SUPT5H: variants seen among roughly 807,000 people sequenced by gnomAD.
SUPT5H encodes transcription elongation factor SPT5.
A neutral mutation model predicts 142.5 loss-of-function variants in SUPT5H; 24 were observed. That is an observed-to-expected ratio of 0.17 (90% confidence interval 0.12 to 0.24). The LOEUF is 0.24. Ranked by LOEUF, SUPT5H falls within the 10% of genes least tolerant of loss-of-function variation. The pLI is 1.00. For missense variants in SUPT5H, 893 were observed against 1,471.8 expected, an observed-to-expected ratio of 0.61 and a Z score of 6.43; for synonymous variants, 546 against 553.0, an observed-to-expected ratio of 0.99 and a Z score of 0.18.
chr19:39,474,386 C>T lies in SUPT5H; in HGVS notation c.2804C>T (p.Ser935Leu). Reference sequence around the variant, plus strand: ...CCAGCCAGCTACCACCCTACACCGTCGCCCATGGCCTATCAGGTAATGGTC... The same window carrying T: ...CCAGCCAGCTACCACCCTACACCGTTGCCCATGGCCTATCAGGTAATGGTC... ...HSPASYHPTP[S>L]PMAYQASPSP... Residue 935 changes from serine to leucine, a missense_variant, in exon 27 of 30, where the codon TCG (serine) becomes TTG (leucine). Transcript: ENST00000432763. The surrounding 1 kb of genome is among the most constrained non-coding windows in gnomAD (Gnocchi z 6.5). The T allele has an allele frequency of 6.2e-7, 1 of 1,614,010 alleles. No individual in the cohort carries two copies. Among genetic ancestry groups the T allele is most frequent in the Non-Finnish European group, 8.5e-7 (1 of 1,179,924 alleles).
chr19:39,474,512 C>T lies in SUPT5H; in HGVS notation c.2821-3C>T. 1.2e-6 allele frequency: 2 copies of T among 1,614,026 alleles called. No individual in the cohort carries two copies. The highest frequency in any genetic ancestry group is 2.7e-5 in the African/African-American group (2 of 75,048). ...CCAATGACACTTCCTCTTTCCCCTG[C>T]AGGCTAGCCCCAGCCCGAGCCCCGT... is the stretch of plus-strand genomic sequence containing the variant. On this transcript the variant is annotated splice_polypyrimidine_tract_variant and splice_region_variant and intron_variant, in intron 27 of 29. Transcript: ENST00000432763. The surrounding 1 kb of genome is among the most constrained non-coding windows in gnomAD (Gnocchi z 6.5).
chr19:39,458,517 C>A lies in SUPT5H; in HGVS notation c.319+212C>A. The A allele has an allele frequency of 2.1e-6, 2 of 968,314 alleles. No homozygotes were observed. The highest frequency in any genetic ancestry group is 3.1e-6 in the Non-Finnish European group (2 of 649,416). The allele number at this position is 968,314 out of a possible 1,614,324, so 60.0% of individuals were successfully genotyped here. ...AAAGCACGGATGTGTCTGTCTGGGA[C>A]TGAGCATTTGTGGGTGGTAGCGATG... is the stretch of plus-strand genomic sequence containing the variant. On this transcript the variant is annotated intron_variant, in intron 5 of 29. Transcript: ENST00000432763. This position sits in a 1 kb window ranked among gnomAD's most constrained non-coding sequence, Gnocchi z 4.2.
Position 39,464,829 on chromosome 19 carries a change from A to G in SUPT5H, c.656A>G (p.Glu219Gly). 6.2e-7 allele frequency: 1 copy of G among 1,613,152 alleles called. No individual in the cohort carries two copies. The change falls in exon 11 of 30, where the codon GAG becomes GGG. Residue 219 changes from glutamate (E) to glycine (G), a missense_variant. Transcript: ENST00000432763. The part of the protein sequence containing the change: ...PLQIKSVVAP[E>G]HVKGYIYVEA... ...CAGATCAAGTCAGTAGTGGCACCAG[A>G]GCATGTGAAGGGCTACATCTACGTG...
In SUPT5H at chr19:39,469,288, C is replaced by A; in HGVS notation, c.1264C>A (p.Pro422Thr). The A allele has an allele frequency of 6.2e-7, 1 of 1,614,192 alleles. No homozygotes were observed. Residue 422 changes from proline (P) to threonine (T), a missense_variant, in exon 16 of 30, where the codon CCT becomes ACT. Pro to Thr is a conservative substitution (Grantham distance 38, BLOSUM62 -1). Coordinates refer to ENST00000432763, the MANE Select transcript of SUPT5H (RefSeq NM_001111020.3). This position sits in a 1 kb window ranked among gnomAD's most constrained non-coding sequence, Gnocchi z 5.1. ...GAAGGAGCGGGAGCACAACTTCCAA[C>A]CTGGGGACAACGTGGAGGTCTGTGA... ...TGKEREHNFQ[P>T]GDNVEVCEGE... is the part of the protein sequence containing the mutation.
chr19:39,453,070 A>G (rs915183611), intron 2 of SUPT5H, among the ~76,000 whole-genome samples: 1 of 151,680 alleles, frequency 6.6e-6, no homozygotes, highest in African/African-American at 2.4e-5. Context: ...AGCTTCATCA[A>G]GCTATTATAG....
At chr19:39,476,010 T>G in intron 28 of SUPT5H, 71 bp from the exon 29 acceptor site, 1 of 1,396,248 alleles carries the variant, frequency 7.2e-7, no homozygotes, top group South Asian at 1.2e-5. Context: ...TGAGCCTGTG[T>G]CCCCTGGAGT....
intron 2 of SUPT5H, among the ~76,000 whole-genome samples, chr19:39,451,467 T>C (rs1452577249): frequency 1.3e-5 from 2 of 152,270 alleles, no homozygotes; most frequent in East Asian, 3.9e-4. Context: ...AGCCTGAGCA[T>C]GACCTTTGAG....
chr19:39,475,948 C>G (rs1252873554), intron 28 of SUPT5H, 133 bp from the exon 29 acceptor site: 1 of 796,462 alleles, frequency 1.3e-6, no homozygotes, highest in African/African-American at 1.7e-5. Context: ...GAACCAGGCC[C>G]AGCCTTGGCC....
chr19:39,472,273 G>A lies in SUPT5H; in HGVS notation c.1951-136G>A. Reference sequence around the variant, plus strand: ...TGTAGGAAAGTGTGCAGGACCAGCTGTCACAGAGGAATTCAGGCCTGGGGT... The same window carrying A: ...TGTAGGAAAGTGTGCAGGACCAGCTATCACAGAGGAATTCAGGCCTGGGGT... On this transcript the variant is annotated intron_variant, in intron 20 of 29. Coordinates refer to ENST00000432763, the MANE Select transcript of SUPT5H (RefSeq NM_001111020.3). The surrounding 1 kb of genome is among the most constrained non-coding windows in gnomAD (Gnocchi z 4.2). The A allele has an allele frequency of 2.5e-6, 2 of 786,988 alleles. No individual in the cohort carries two copies. The highest frequency in any genetic ancestry group is 4.3e-6 in the Non-Finnish European group (2 of 464,824). 48.8% of individuals were successfully genotyped at this position (786,988 alleles called of 1,614,324 possible).
Position 39,466,534 on chromosome 19 carries a change from A to G in SUPT5H, c.931A>G (p.Ile311Val). Residue 311 changes from isoleucine (I) to valine (V), a missense_variant, in exon 12 of 30, where the codon ATC (isoleucine) becomes GTC (valine). This residue lies in a region of SUPT5H where 428 missense variants were observed against 763.5 expected (regional missense o/e 0.56). Coordinates refer to ENST00000432763, the MANE Select transcript of SUPT5H (RefSeq NM_001111020.3). This position sits in a 1 kb window ranked among gnomAD's most constrained non-coding sequence, Gnocchi z 4.3. ...NTISLKMIPR[I>V]DYDRIKARMS... ...CATCTCCCTGAAGATGATCCCACGC[A>G]TCGACTACGATCGCATCAAGGCCCG... The G allele has an allele frequency of 6.2e-7, 1 of 1,614,178 alleles. No individual in the cohort carries two copies. Among genetic ancestry groups the G allele is most frequent in the Non-Finnish European group, 8.5e-7 (1 of 1,180,038 alleles).
chr19:39,446,487 G>A (rs959235136), intron 2 of SUPT5H, among the ~76,000 whole-genome samples: 1 of 152,208 alleles, frequency 6.6e-6, no homozygotes, highest in African/African-American at 2.4e-5. Flanking sequence ...AGTCTGAGGG[G>A]TGACATTTGA....
rs770545448 is a variant in SUPT5H at position 39,459,174 on chromosome 19, C to T, written c.459-10C>T. 6 of 1,603,160 alleles carry T rather than the reference C, an allele frequency of 3.7e-6. No individual in the cohort carries two copies. The highest frequency in any genetic ancestry group is 1.1e-5 in the South Asian group (1 of 90,264). On this transcript the variant is annotated splice_polypyrimidine_tract_variant and intron_variant, in intron 7 of 29. Transcript: ENST00000432763. Reference sequence around the variant, plus strand: ...GCTTCACCCCTTCCTGACTGCCCTCCTCCCTTCAGGGTGTATGGAGGATCT... The same window carrying T: ...GCTTCACCCCTTCCTGACTGCCCTCTTCCCTTCAGGGTGTATGGAGGATCT...
Position 39,465,010 on chromosome 19 carries a change from C to A in SUPT5H, c.837C>A (p.Val279=). 1 of 1,614,158 alleles carries A rather than the reference C, an allele frequency of 6.2e-7. No homozygotes were observed. The highest frequency in any genetic ancestry group is 8.5e-7 in the Non-Finnish European group (1 of 1,179,988). Residue 279 remains valine (V), a synonymous_variant, in exon 11 of 30, where the codon GTC becomes GTA. Transcript: ENST00000432763. Reference sequence around the variant, plus strand: ...CCAACCTGAAACCAAAGTCCTGGGTCCGCCTCAAGCGGGGCATCTACAAGG... The same window carrying A: ...CCAACCTGAAACCAAAGTCCTGGGTACGCCTCAAGCGGGGCATCTACAAGG... ...EVANLKPKSW[V]RLKRGIYKDD...
At chr19:39,471,901 C>G (rs1454181821) in intron 20 of SUPT5H, 171 bp downstream of exon 20, 1 of 985,412 alleles carries the variant, frequency 1.0e-6, no homozygotes, top group Non-Finnish European at 1.4e-6. Flanking sequence ...GAGCTGTTCA[C>G]CAAGTTATTT....
At chr19:39,475,065 G>T in intron 28 of SUPT5H, 1 of 353,344 alleles carries the variant, frequency 2.8e-6, no homozygotes, top group Non-Finnish European at 5.3e-6. Flanking sequence ...GGAGCTGAAG[G>T]GTTTGTTGTG....
In SUPT5H at chr19:39,472,246, CT is replaced by C. The variant is rs918382326; in HGVS notation, c.1951-161del. On this transcript the variant is annotated intron_variant, in intron 20 of 29. Transcript: ENST00000432763. The surrounding 1 kb of genome is among the most constrained non-coding windows in gnomAD (Gnocchi z 4.2). ...CAAGTGCAAAGGCCCTGAGGTGGGGCTTGTAGGAAAGTGTGCAGGACCAGCT... is the reference window on the plus strand; with the variant it reads ...CAAGTGCAAAGGCCCTGAGGTGGGGCTGTAGGAAAGTGTGCAGGACCAGCT... 2.0e-5 allele frequency among the ~76,000 whole-genome samples: 3 copies of C among 152,202 alleles called. No individual in the cohort carries two copies. The South Asian group carries it at 6.2e-4, about 32-fold the overall frequency.
intron 10 of SUPT5H, among the ~76,000 whole-genome samples, chr19:39,464,315 G>A (rs1311744465): frequency 6.6e-6 from 1 of 151,854 alleles, no homozygotes; most frequent in Non-Finnish European, 1.5e-5. Flanking sequence ...AACATATGTT[G>A]GATAGCTTTC....
rs750679521 is a variant in SUPT5H at position 39,466,749 on chromosome 19, C to G, written c.1037+4C>G. 1 of 1,614,016 alleles carries G rather than the reference C, an allele frequency of 6.2e-7. No individual in the cohort carries two copies. The highest frequency in any genetic ancestry group is 2.2e-5 in the East Asian group (1 of 44,884). Reference sequence around the variant, plus strand: ...TGTTTGATGCTGAGAAGATCAGGTGCGTGTCCTTGGGGACTGGCTGGGCTG... The same window carrying G: ...TGTTTGATGCTGAGAAGATCAGGTGGGTGTCCTTGGGGACTGGCTGGGCTG... On this transcript the variant is annotated splice_donor_region_variant and intron_variant, in intron 13 of 29. Transcript: ENST00000432763. The surrounding 1 kb of genome is among the most constrained non-coding windows in gnomAD (Gnocchi z 4.3).
At chr19:39,461,258 C>G (rs1470563343) in intron 10 of SUPT5H, among the ~76,000 whole-genome samples, 1 of 151,808 alleles carries the variant, frequency 6.6e-6, no homozygotes, top group Non-Finnish European at 1.5e-5. Context: ...CTATTGCACT[C>G]CAGCCTGGGC....
Sources: gnomAD v4.1 joint callset for allele counts (sites outside exome capture counted in the v4.1 genomes callset) on GRCh38, gnomAD v4.1.1 for gene constraint, gnomAD v4.1.1 regional missense constraint, Gnocchi (gnomAD v3.1) non-coding constraint, MANE v1.5 for transcripts, NCBI Gene and HGNC (gene_info 2026-07-23, HGNC 2026-07-21) for gene names.